The following ADGRB3 variants were observed in gnomAD, a reference collection of about 807,000 sequenced individuals.
ADGRB3 encodes adhesion G protein-coupled receptor B3, also known as brain-specific angiogenesis inhibitor 3.
A neutral mutation model predicts 193.4 loss-of-function variants in ADGRB3; 37 were observed. That is an observed-to-expected ratio of 0.19 (90% CI 0.15 to 0.25). The LOEUF (loss-of-function observed/expected upper bound fraction) is 0.25, where lower values mean the gene tolerates loss of function less well. Ranked by LOEUF, ADGRB3 falls within the 10% of genes least tolerant of loss-of-function variation. The pLI is 1.00. For synonymous variants in ADGRB3, 690 were observed against 644.2 expected (o/e 1.07, Z -1.08); for missense variants, 1,637 against 1,852.9 (o/e 0.88, Z 2.14).
intron 17 of ADGRB3, among the ~76,000 whole-genome samples, chr6:69,215,920 T>C (rs1163856577): frequency 6.6e-6 from 1 of 152,180 alleles, no homozygotes; most frequent in Non-Finnish European, 1.5e-5. Flanking sequence ...TTTCCACAGC[T>C]GACATAGATA....
At chr6:68,819,123 T>C (rs1282516495) in intron 3 of ADGRB3, among the ~76,000 whole-genome samples, 1 of 152,030 alleles carries the variant, frequency 6.6e-6, no homozygotes, top group Non-Finnish European at 1.5e-5. Flanking sequence ...CCTTTATATA[T>C]GAAAGCAATG....
At chr6:69,018,127 G>A (rs530555577) in intron 12 of ADGRB3, among the ~76,000 whole-genome samples, 3 of 151,938 alleles carry the variant, frequency 2.0e-5, no homozygotes, top group Admixed American at 1.3e-4. Flanking sequence ...ATTTTTTGAG[G>A]AGACAATCTG....
intron 17 of ADGRB3, among the ~76,000 whole-genome samples, chr6:69,208,916 C>A (rs1037235826): frequency 6.6e-6 from 1 of 152,130 alleles, no homozygotes; most frequent in African/African-American, 2.4e-5. Context: ...AACATGATGA[C>A]CCATGGTCAA....
chr6:68,730,482 G>C (rs1248523847), intron 3 of ADGRB3, among the ~76,000 whole-genome samples: 1 of 151,586 alleles, frequency 6.6e-6, no homozygotes, highest in Non-Finnish European at 1.5e-5. Flanking sequence ...GCACTGTGGA[G>C]CCAGAAGAAA....
intron 16 of ADGRB3, among the ~76,000 whole-genome samples, chr6:69,064,415 T>TA (rs1771839308): frequency 6.6e-6 from 1 of 151,914 alleles, no homozygotes; most frequent in Admixed American, 6.6e-5. Context: ...TGTCAAAATG[T>TA]GACCATACTA....
chr6:69,187,686 T>G (rs551341650), intron 17 of ADGRB3, among the ~76,000 whole-genome samples: 1 of 152,284 alleles, frequency 6.6e-6, no homozygotes, highest in South Asian at 2.1e-4. Flanking sequence ...TCAACACAAA[T>G]CAGAGGATGT....
At chr6:68,942,430 C>T (rs911431017) in intron 5 of ADGRB3, among the ~76,000 whole-genome samples, 1 of 152,082 alleles carries the variant, frequency 6.6e-6, no homozygotes, top group South Asian at 2.1e-4. Context: ...TTTTGAACTT[C>T]TAAGAGTATA....
At chr6:69,076,060 A>T (rs370745901) in intron 17 of ADGRB3, 22 bp downstream of exon 17, 6 of 1,608,876 alleles carry the variant, frequency 3.7e-6, no homozygotes, top group Non-Finnish European at 8.5e-7. Context: ...ATGTTTTCCT[A>T]CATTACTTTG....
chr6:68,700,506 G>GC (rs1427829456), intron 3 of ADGRB3, among the ~76,000 whole-genome samples: 1 of 151,958 alleles, frequency 6.6e-6, no homozygotes, highest in African/African-American at 2.4e-5. Flanking sequence ...TCTAACTTCT[G>GC]CCATTAAAAC....
intron 3 of ADGRB3, among the ~76,000 whole-genome samples, chr6:68,659,010 G>A (rs1481246377): frequency 6.6e-6 from 1 of 150,838 alleles, no homozygotes; most frequent in African/African-American, 2.4e-5. Flanking sequence ...TTCATTCCCT[G>A]GCTTAGAGAA....
intron 3 of ADGRB3, among the ~76,000 whole-genome samples, chr6:68,802,365 A>C (rs958495950): frequency 5.9e-5 from 9 of 152,238 alleles, no homozygotes; most frequent in African/African-American, 2.2e-4. Context: ...AAAATGTTAT[A>C]TTATAGATAT....
chr6:69,238,540 AT>A (rs551190071), intron 19 of ADGRB3, among the ~76,000 whole-genome samples: 7 of 152,162 alleles, frequency 4.6e-5, no homozygotes, highest in South Asian at 2.1e-4. Flanking sequence ...ATAAAGATTC[AT>A]TTTTTTGAAC....
rs144426715 is a variant in ADGRB3 at position 69,301,974 on chromosome 6, A to G, written c.2815-22898A>G. Among the ~76,000 whole-genome samples the G allele has an allele frequency of 7.8e-4, 119 of 152,042 alleles. 2 individuals are homozygous for G. The highest frequency in any genetic ancestry group is 2.7e-3 in the African/African-American group (111 of 41,536). ...GAAGTTGAATAATTTAATGTAAGCAAAGAATGGTTTGATGCTTTTAGAAAG... is the reference window on the plus strand; with the variant it reads ...GAAGTTGAATAATTTAATGTAAGCAGAGAATGGTTTGATGCTTTTAGAAAG... On this transcript the variant is annotated intron_variant, in intron 20 of 31. Coordinates refer to ENST00000370598, the MANE Select transcript of ADGRB3 (RefSeq NM_001704.3).
intron 17 of ADGRB3, among the ~76,000 whole-genome samples, chr6:69,220,814 T>G (rs1765877614): frequency 1.3e-5 from 2 of 152,048 alleles, no homozygotes; most frequent in Non-Finnish European, 2.9e-5. Flanking sequence ...AGAGTATATA[T>G]TTATTTAAAT....
chr6:68,680,806 G>A (rs73461973), intron 3 of ADGRB3, among the ~76,000 whole-genome samples: 1,651 of 152,232 alleles, frequency 0.011, 32 homozygotes, highest in African/African-American at 0.035. Flanking sequence ...TTGGAAATTA[G>A]ATTAGTTTTA....
chr6:69,128,773 C>T (rs1773922928), intron 17 of ADGRB3, among the ~76,000 whole-genome samples: 1 of 152,148 alleles, frequency 6.6e-6, no homozygotes, highest in South Asian at 2.1e-4. Flanking sequence ...TTATTCCAGT[C>T]TAGGGACTTT....
At chr6:68,970,467 C>T (rs1295440692) in intron 8 of ADGRB3, among the ~76,000 whole-genome samples, 1 of 151,940 alleles carries the variant, frequency 6.6e-6, no homozygotes, top group African/African-American at 2.4e-5. Flanking sequence ...CAGGTGCACG[C>T]CACCACACCC....
At chr6:69,347,692 G>A (rs2127324477) in intron 26 of ADGRB3, among the ~76,000 whole-genome samples, 1 of 152,220 alleles carries the variant, frequency 6.6e-6, no homozygotes, top group South Asian at 2.1e-4. Context: ...GGAGAAGGTA[G>A]TAGGGTTGTT....
At chr6:68,800,616 A>T (rs1582212334) in intron 3 of ADGRB3, among the ~76,000 whole-genome samples, 2 of 152,296 alleles carry the variant, frequency 1.3e-5, no homozygotes, top group Middle Eastern at 3.4e-3. Context: ...GGGAAATCCT[A>T]TCTGTGAATT....
Sources: gnomAD v4.1 joint callset for allele counts (sites outside exome capture counted in the v4.1 genomes callset) on GRCh38, gnomAD v4.1.1 for gene constraint, MANE v1.5 for transcripts, NCBI Gene and HGNC (gene_info 2026-07-23, HGNC 2026-07-21) for gene names.